Variants in CFAP46 observed in about 807,000 individuals in gnomAD.
The protein encoded by CFAP46 is cilia and flagella associated protein 46, also known as cilia- and flagella-associated protein 46.
Under a neutral mutation model 325.7 loss-of-function variants are expected in CFAP46, and 245 were observed. That is an observed-to-expected ratio of 0.75 (90% CI 0.68 to 0.84). CFAP46 has a LOEUF of 0.84. CFAP46 is among the 40% of genes least tolerant of loss of function. The pLI is 0.00. For synonymous variants in CFAP46, 1,523 were observed against 1,495.9 expected, an observed-to-expected ratio of 1.02 and a Z score of -0.42; for missense variants, 3,346 against 3,543.0, an observed-to-expected ratio of 0.94 and a Z score of 1.41.
In CFAP46 at chr10:132,920,075, C is replaced by T. The variant is rs915496495; in HGVS notation, c.1714G>A (p.Glu572Lys). ...CTCACTCACCTCTCCTTGTCGTTTT[C>T]GTTGCCCAGGCGCCGCAGGTGCCCG... ...AAGHLRRLGN[E>K]NDKERIQIWA... Residue 572 changes from glutamate to lysine, a missense_variant, in exon 14 of 58, where the codon GAA becomes AAA. By Grantham distance (56) the Glu-to-Lys change is moderately conservative. Coordinates refer to ENST00000368586, the MANE Select transcript of CFAP46 (RefSeq NM_001200049.3). 5.3e-5 allele frequency: 82 copies of T among 1,545,894 alleles called. No individual in the cohort carries two copies. The highest frequency in any genetic ancestry group is 2.2e-4 in the South Asian group (18 of 83,588).
At chr10:132,934,958 CACTGAAGAGGAGACTGAAAATA>C (rs1420518255) in intron 7 of CFAP46, 96 bp from the exon 8 acceptor site, 4 of 840,084 alleles carry the variant, frequency 4.8e-6, no homozygotes, top group Non-Finnish European at 8.0e-6. Context: ...TTGTGTTTCT[CACTGAAGAGGAGACTGAAAATA>C]ACCCCTCCTG....
intron 44 of CFAP46, among the ~76,000 whole-genome samples, chr10:132,837,530 C>G (rs1366201738): frequency 6.6e-6 from 1 of 150,494 alleles, no homozygotes; most frequent in Admixed American, 6.6e-5. Flanking sequence ...CACAGACACA[C>G]GCACACGTAC....
Position 132,832,684 on chromosome 10 carries a change from G to A in CFAP46, c.7117+674C>T, listed in dbSNP as rs962249013. The A allele has an allele frequency of 2.2e-5, 10 of 449,446 alleles. No homozygotes were observed. In the East Asian group the frequency reaches 3.7e-4, roughly 16 times the overall value. The allele number at this position is 449,446 out of a possible 1,614,324, so 27.8% of individuals were successfully genotyped here. ...TGCACGTACCGCAAGGGTAGCGCTCGGGGAAGCTTCACAACCGGGGCACGT... is the reference window on the plus strand; with the variant it reads ...TGCACGTACCGCAAGGGTAGCGCTCAGGGAAGCTTCACAACCGGGGCACGT... On this transcript the variant is annotated intron_variant, in intron 50 of 57. Transcript: ENST00000368586. The surrounding 1 kb of genome is among the most constrained non-coding windows in gnomAD (Gnocchi z 4.1).
chr10:132,871,111 C>G (rs1324426391), intron 32 of CFAP46, among the ~76,000 whole-genome samples: 1 of 152,126 alleles, frequency 6.6e-6, no homozygotes, highest in African/African-American at 2.4e-5. Context: ...ACAACAAAGC[C>G]TGGTGACAGC....
intron 22 of CFAP46, among the ~76,000 whole-genome samples, chr10:132,904,965 T>C (rs1849436329): frequency 6.6e-6 from 1 of 152,126 alleles, no homozygotes; most frequent in Non-Finnish European, 1.5e-5. Context: ...CCTATCACCT[T>C]GGCACCTACG....
intron 45 of CFAP46, 108 bp downstream of exon 45, chr10:132,836,709 G>A: frequency 1.1e-6 from 1 of 916,260 alleles, no homozygotes; most frequent in South Asian, 1.4e-5. Flanking sequence ...CGAGTCCCAG[G>A]CCTCCCTGGG....
At chr10:132,923,565 C>T (rs568153593) in intron 11 of CFAP46, among the ~76,000 whole-genome samples, 1 of 152,106 alleles carries the variant, frequency 6.6e-6, no homozygotes, top group Admixed American at 6.5e-5. Context: ...GCCCTGGAAC[C>T]CCTGGCCTCA....
At chr10:132,922,249 C>G in intron 12 of CFAP46, 25 bp from the exon 13 acceptor site, 1 of 1,542,862 alleles carries the variant, frequency 6.5e-7, no homozygotes, top group East Asian at 2.5e-5. Flanking sequence ...GACTGATGAG[C>G]AAGGGGCCGC....
At position 132,827,018 on chromosome 10, in the gene CFAP46, A is replaced by C. The variant is rs1848068552; in HGVS notation, c.7117+6340T>G. Among the ~76,000 whole-genome samples the C allele has an allele frequency of 6.6e-6, 1 of 152,046 alleles. No individual in the cohort carries two copies. Among genetic ancestry groups the C allele is most frequent in the Non-Finnish European group, 1.5e-5 (1 of 67,990 alleles). On this transcript the variant is annotated intron_variant, in intron 50 of 57. Coordinates refer to ENST00000368586, the MANE Select transcript of CFAP46 (RefSeq NM_001200049.3). This position sits in a 1 kb window ranked among gnomAD's most constrained non-coding sequence, Gnocchi z 5.7. ...GGGCATTTTTCTAGAGCCATGGTGC[A>C]CTTCACTATCAAAAACGGTTTCCGA...
At chr10:132,873,264 T>C (rs12098358) in intron 31 of CFAP46, among the ~76,000 whole-genome samples, 14,630 of 152,284 alleles carry the variant, frequency 0.096, 1,906 homozygotes, top group African/African-American at 0.3. Flanking sequence ...ACCATTACTC[T>C]TGAGTGGGAA....
Position 132,846,132 on chromosome 10 carries a change from G to A in CFAP46, c.6363C>T (p.His2121=), listed in dbSNP as rs1188786396. 1.9e-6 allele frequency: 3 copies of A among 1,610,898 alleles called. No homozygotes were observed. The South Asian group carries it at 3.3e-5, about 18-fold the overall frequency. Reference sequence around the variant, plus strand: ...TGGTCCTGTCTTGGCACCGGAGCTGGTGCTGTAGCTGCAGCAGGGCCGCCA... The same window carrying A: ...TGGTCCTGTCTTGGCACCGGAGCTGATGCTGTAGCTGCAGCAGGGCCGCCA... ...SQLAALLQLQ[H]QLRCQDRTTT... is the part of the protein sequence containing the mutation. Residue 2121 remains histidine, a synonymous_variant, in exon 44 of 58, where the codon CAC becomes CAT. Coordinates refer to ENST00000368586, the MANE Select transcript of CFAP46 (RefSeq NM_001200049.3).
rs1451853798 is a variant in CFAP46 at position 132,811,008 on chromosome 10, C to T, written c.7525G>A (p.Asp2509Asn). 3.1e-6 allele frequency: 5 copies of T among 1,603,846 alleles called. No homozygotes were observed. Among genetic ancestry groups the T allele is most frequent in the Non-Finnish European group, 4.3e-6 (5 of 1,175,662 alleles). ...AAGCTCTGGTAGGACCGCGCCAGGT[C>T]CAGCAGGACTGCCACCTGGCACTCT... Reference protein sequence around the residue: ...LQECQVAVLLDLARSYQSLKR... With the variant: ...LQECQVAVLLNLARSYQSLKR... Residue 2509 changes from aspartate (D) to asparagine (N), a missense_variant, in exon 56 of 58, where the codon GAC becomes AAC. Physicochemically the swap from Asp to Asn is conservative, Grantham distance 23. Transcript: ENST00000368586.
At chr10:132,810,570 C>A in intron 56 of CFAP46, 81 bp from the exon 57 acceptor site, 1 of 1,249,162 alleles carries the variant, frequency 8.0e-7, no homozygotes, top group Admixed American at 1.7e-5. Context: ...CCCGGGATGC[C>A]AGGGGCCCAC....
chr10:132,810,814 C>T (rs776497966), intron 56 of CFAP46, 136 bp downstream of exon 56: 82 of 833,308 alleles, frequency 9.8e-5, no homozygotes, highest in Middle Eastern at 2.2e-4. Context: ...ACTGCTGGAA[C>T]GCATGTGCAC....
At chr10:132,856,614 T>C (rs2135191881) in intron 39 of CFAP46, among the ~76,000 whole-genome samples, 1 of 152,266 alleles carries the variant, frequency 6.6e-6, no homozygotes, top group East Asian at 1.9e-4. Flanking sequence ...GCCTTCTTCA[T>C]CTCCTGTGTT....
In CFAP46 at chr10:132,937,052, G is replaced by T; in HGVS notation, c.664C>A (p.Arg222Ser). The T allele has an allele frequency of 1.3e-6, 2 of 1,491,528 alleles. No individual in the cohort carries two copies. Among genetic ancestry groups the T allele is most frequent in the South Asian group, 1.4e-5 (1 of 69,788 alleles). 92.4% of individuals were successfully genotyped at this position (1,491,528 alleles called of 1,614,324 possible). The change falls in exon 7 of 58, where the codon CGT (arginine) becomes AGT (serine). Residue 222 changes from arginine (R) to serine (S), a missense_variant. Physicochemically the swap from Arg to Ser is moderately radical, Grantham distance 110 (BLOSUM62 -1). Coordinates refer to ENST00000368586, the MANE Select transcript of CFAP46 (RefSeq NM_001200049.3). ...TGAAGTTCGTCCATTAATTCATGAC[G>T]AACCTGTCATAAAATGGAGCAGATT... ...KYRQIFSVMVRHELMDELQLK... is the reference protein window; with the variant it reads ...KYRQIFSVMVSHELMDELQLK...
intron 29 of CFAP46, 148 bp downstream of exon 29, chr10:132,879,278 T>A (rs542259255): frequency 1.3e-6 from 1 of 743,592 alleles, no homozygotes; most frequent in Non-Finnish European, 2.1e-6. Flanking sequence ...AGAATCTGGA[T>A]GTCGCAGGAA....
chr10:132,831,190 C>T (rs1181585212), intron 50 of CFAP46, among the ~76,000 whole-genome samples: 2 of 148,338 alleles, frequency 1.3e-5, no homozygotes, highest in Non-Finnish European at 3.0e-5. Context: ...TGTTTTATGG[C>T]TCAACTTAGG....
chr10:132,829,812 G>A (rs1375714127), intron 50 of CFAP46, among the ~76,000 whole-genome samples: 1 of 152,218 alleles, frequency 6.6e-6, no homozygotes, highest in African/African-American at 2.4e-5. Flanking sequence ...TATGAATGCG[G>A]TGAATTACAT....
Sources: gnomAD v4.1 joint callset for allele counts (sites outside exome capture counted in the v4.1 genomes callset) on GRCh38, gnomAD v4.1.1 for gene constraint, Gnocchi (gnomAD v3.1) non-coding constraint, MANE v1.5 for transcripts, NCBI Gene and HGNC (gene_info 2026-07-23, HGNC 2026-07-21) for gene names.